The following TRPM3 variants were observed in gnomAD, a reference collection of about 807,000 sequenced individuals.
The protein encoded by TRPM3 is long transient receptor potential channel 3.
A neutral mutation model predicts 181.2 loss-of-function variants in TRPM3; 77 were observed. That is an observed-to-expected ratio of 0.42 (90% confidence interval 0.35 to 0.51). The LOEUF (loss-of-function observed/expected upper bound fraction) is 0.51, where lower values mean the gene tolerates loss of function less well. TRPM3 is among the 20% of genes least tolerant of loss of function. TRPM3 has a pLI of 0.01. For synonymous variants in TRPM3, 745 were observed against 796.4 expected (o/e 0.94, Z 1.09); for missense variants, 1,759 against 2,196.7 (o/e 0.80, Z 3.98).
At chr9:71,044,157 G>T (rs1489070369) in intron 1 of TRPM3, among the ~76,000 whole-genome samples, 1 of 152,006 alleles carries the variant, frequency 6.6e-6, no homozygotes, top group Admixed American at 6.6e-5. Flanking sequence ...TTAGTCACAA[G>T]ACTTTTAAAA....
intron 1 of TRPM3, among the ~76,000 whole-genome samples, chr9:71,344,133 C>T (rs2091145347): frequency 6.6e-6 from 1 of 152,020 alleles, no homozygotes; most frequent in Non-Finnish European, 1.5e-5. Context: ...GAAAATCTGT[C>T]ATTTTAAACC....
At chr9:70,963,578 C>G (rs549955038) in intron 1 of TRPM3, among the ~76,000 whole-genome samples, 1 of 152,084 alleles carries the variant, frequency 6.6e-6, no homozygotes, top group East Asian at 1.9e-4. Context: ...GATAACACTT[C>G]GAGGTATGCA....
intron 1 of TRPM3, among the ~76,000 whole-genome samples, chr9:71,025,404 G>A (rs2097886546): frequency 1.3e-5 from 2 of 152,176 alleles, no homozygotes; most frequent in African/African-American, 4.8e-5. Context: ...GCGACAGCCT[G>A]AGCTTCACTG....
intron 6 of TRPM3, among the ~76,000 whole-genome samples, chr9:70,804,279 G>A (rs1214222086): frequency 1.3e-5 from 2 of 152,106 alleles, no homozygotes; most frequent in African/African-American, 2.4e-5. Context: ...GCACTGAGCC[G>A]AGATTGCACT....
chr9:70,990,025 T>G (rs1241051737), intron 1 of TRPM3, among the ~76,000 whole-genome samples: 1 of 152,216 alleles, frequency 6.6e-6, no homozygotes, highest in Non-Finnish European at 1.5e-5. Flanking sequence ...AATTCTAAAC[T>G]TATGCCTTTT....
At chr9:71,119,143 T>C (rs2134346629) in intron 1 of TRPM3, among the ~76,000 whole-genome samples, 1 of 152,310 alleles carries the variant, frequency 6.6e-6, no homozygotes, top group African/African-American at 2.4e-5. Flanking sequence ...TGACTTTATT[T>C]TTTTAAGAGT....
At chr9:71,197,036 A>G (rs1444971934) in intron 1 of TRPM3, among the ~76,000 whole-genome samples, 2 of 151,798 alleles carry the variant, frequency 1.3e-5, no homozygotes, top group Non-Finnish European at 2.9e-5. Context: ...ACACCCCACA[A>G]GAGTCCCCAG....
At chr9:70,863,874 T>C (rs1191412037) in intron 2 of TRPM3, among the ~76,000 whole-genome samples, 1 of 152,102 alleles carries the variant, frequency 6.6e-6, no homozygotes, top group Non-Finnish European at 1.5e-5. Flanking sequence ...TAAGACTCTG[T>C]AGTCTATATT....
intron 1 of TRPM3, among the ~76,000 whole-genome samples, chr9:71,153,194 A>G (rs2134641489): frequency 6.6e-6 from 1 of 151,964 alleles, no homozygotes; most frequent in Admixed American, 6.6e-5. Flanking sequence ...TCACATGACA[A>G]TTTTCTATTT....
At chr9:70,640,224 AT>A (rs1245695535) in intron 10 of TRPM3, among the ~76,000 whole-genome samples, 2 of 152,186 alleles carry the variant, frequency 1.3e-5, no homozygotes, top group Admixed American at 6.5e-5. Flanking sequence ...CAAATTAATA[AT>A]TCTACCCCTT....
At chr9:71,288,722 T>C (rs1401906290) in intron 1 of TRPM3, among the ~76,000 whole-genome samples, 1 of 152,092 alleles carries the variant, frequency 6.6e-6, no homozygotes, top group Non-Finnish European at 1.5e-5. Context: ...TCTGGGTACA[T>C]CAGCCAATCC....
At chr9:70,868,723 T>G (rs546244840) in intron 1 of TRPM3, among the ~76,000 whole-genome samples, 8 of 152,112 alleles carry the variant, frequency 5.3e-5, no homozygotes, top group African/African-American at 1.9e-4. Flanking sequence ...TTTGCAAGAT[T>G]AGGAAAAAGG....
chr9:70,946,885 T>G (rs942251026), intron 1 of TRPM3, among the ~76,000 whole-genome samples: 7 of 152,182 alleles, frequency 4.6e-5, no homozygotes, highest in Non-Finnish European at 5.9e-5. Context: ...ATATATGAAA[T>G]TCATTTATGT....
At chr9:70,927,171 T>C (rs1364093346) in intron 1 of TRPM3, among the ~76,000 whole-genome samples, 1 of 152,224 alleles carries the variant, frequency 6.6e-6, no homozygotes, top group Non-Finnish European at 1.5e-5. Flanking sequence ...TTTATTGTAC[T>C]CTAGTTCTCT....
At chr9:71,420,834 A>AGAGAGG (rs2093740519) in intron 1 of TRPM3, among the ~76,000 whole-genome samples, 1 of 142 alleles carries the variant, frequency 7.0e-3, no homozygotes, top group East Asian at 0.5. Context: ...AGAGGGAAAG[A>AGAGAGG]AAGAGAGAGG....
At chr9:71,033,894 T>C (rs1011238089) in intron 1 of TRPM3, among the ~76,000 whole-genome samples, 50 of 152,222 alleles carry the variant, frequency 3.3e-4, no homozygotes, top group African/African-American at 1.2e-3. Flanking sequence ...AAACCCACAG[T>C]AGTCAGGCTG....
intron 1 of TRPM3, among the ~76,000 whole-genome samples, chr9:71,279,044 T>C (rs7040800): frequency 8.7e-5 from 7 of 80,208 alleles, no homozygotes; most frequent in Admixed American, 5.5e-4. Context: ...TTAAAAAAAA[T>C]AAAAATAAAA....
intron 1 of TRPM3, among the ~76,000 whole-genome samples, chr9:71,118,816 GAGGA>G (rs1288875119): frequency 6.6e-6 from 1 of 152,048 alleles, no homozygotes; most frequent in African/African-American, 2.4e-5. Context: ...AGAGAAGGGG[GAGGA>G]AGGGAGGGAG....
At chr9:70,684,759 A>G (rs1002876880) in intron 8 of TRPM3, among the ~76,000 whole-genome samples, 5 of 152,288 alleles carry the variant, frequency 3.3e-5, no homozygotes, top group African/African-American at 1.2e-4. Flanking sequence ...ATTTTGATGC[A>G]TTATTCTTAG....
Sources: gnomAD v4.1 joint callset for allele counts (sites outside exome capture counted in the v4.1 genomes callset) on GRCh38, gnomAD v4.1.1 for gene constraint, MANE v1.5 for transcripts, NCBI Gene and HGNC (gene_info 2026-07-23, HGNC 2026-07-21) for gene names.